Variants in FBXO9 observed in about 807,000 individuals in gnomAD.
FBXO9 encodes F-box protein 9.
FBXO9 carries 43 observed loss-of-function variants against 63.7 expected under a neutral mutation model. The ratio of observed to expected loss-of-function variants is 0.67; its 90% CI spans 0.53 to 0.87. The LOEUF (loss-of-function observed/expected upper bound fraction) is 0.87, where lower values mean the gene tolerates loss of function less well. Among genes scored for constraint, FBXO9 ranks in the 40% least tolerant of loss-of-function variants. The pLI, the probability that FBXO9 is intolerant of heterozygous loss-of-function variation, is 0.00. For missense variants in FBXO9, 442 were observed against 533.2 expected, an observed-to-expected ratio of 0.83 and a Z score of 1.68; for synonymous variants, 156 against 171.7, an observed-to-expected ratio of 0.91 and a Z score of 0.72.
At chr6:53,079,792 T>C (rs528641075) in intron 5 of FBXO9, among the ~76,000 whole-genome samples, 111 of 152,276 alleles carry the variant, frequency 7.3e-4, no homozygotes, top group African/African-American at 2.6e-3. Flanking sequence ...TGATAACATA[T>C]GCTTATTGCC....
chr6:53,076,235 CTT>C (rs2127490383), intron 3 of FBXO9, among the ~76,000 whole-genome samples: 1 of 152,254 alleles, frequency 6.6e-6, no homozygotes, highest in South Asian at 2.1e-4. Flanking sequence ...GTCAAGAACT[CTT>C]TGCCTAGTCC....
intron 11 of FBXO9, chr6:53,094,746 C>T (rs570033927): frequency 2.5e-5 from 11 of 442,874 alleles, no homozygotes; most frequent in Admixed American, 4.9e-5. Context: ...CTGTTGCTGG[C>T]GTCTCCACTT....
chr6:53,075,109 G>A (rs1348076627), intron 3 of FBXO9, among the ~76,000 whole-genome samples: 1 of 151,896 alleles, frequency 6.6e-6, no homozygotes, highest in East Asian at 1.9e-4. Context: ...AGCATTTAGT[G>A]TTGCTACTTT....
At chr6:53,091,312 AC>A (rs1763032982) in intron 7 of FBXO9, 2 of 152,178 alleles carry the variant, frequency 1.3e-5, no homozygotes, top group Admixed American at 1.3e-4. Flanking sequence ...AGTTAGAAAT[AC>A]TTTTAGTTAT....
At position 53,093,894 on chromosome 6, in the gene FBXO9, A is replaced by G. The variant is rs1763124153; in HGVS notation, c.969A>G (p.Ala323=). 1 of 1,545,752 alleles carries G rather than the reference A, an allele frequency of 6.5e-7. No individual in the cohort carries two copies. The highest frequency in any genetic ancestry group is 2.4e-5 in the East Asian group (1 of 41,090). The change falls in exon 11 of 13, where the codon GCA becomes GCG. Residue 323 remains alanine (A), a synonymous_variant. Coordinates refer to ENST00000323557, the MANE Select transcript of FBXO9 (RefSeq NM_033480.3). ...RLRTRNTRTD[A]ILLGHYRLSQ... is the part of the protein sequence containing the mutation. ...GTTTTTTTTTTTTAAGGACTGATGC[A>G]ATTCTACTGGGTCACTATCGCTTGT...
At chr6:53,083,319 T>C (rs1419597823) in intron 7 of FBXO9, among the ~76,000 whole-genome samples, 6 of 152,246 alleles carry the variant, frequency 3.9e-5, no homozygotes, top group African/African-American at 1.4e-4. Context: ...TTCACAATTC[T>C]GTGTGCTAGT....
At chr6:53,091,425 G>A (rs1161154937) in intron 7 of FBXO9, 1 of 151,948 alleles carries the variant, frequency 6.6e-6, no homozygotes. Context: ...CTGGAGTGCA[G>A]TGGCACAGTC....
intron 9 of FBXO9, 78 bp downstream of exon 9, chr6:53,092,902 G>T: frequency 2.1e-6 from 2 of 961,032 alleles, no homozygotes; most frequent in South Asian, 1.9e-5. Context: ...GTTCTTTGTT[G>T]CTTTTGATTG....
chr6:53,081,261 GTGTTTTGTTTTGTCT>G (rs1769302557), intron 6 of FBXO9, among the ~76,000 whole-genome samples, 163 bp downstream of exon 6: 1 of 152,064 alleles, frequency 6.6e-6, no homozygotes, highest in African/African-American at 2.4e-5. Context: ...AAGCTGTTTT[GTGTTTTGTTTTGTCT>G]TGTTTTGTTT....
In FBXO9 at chr6:53,078,845, G is replaced by A. The variant is rs745310374; in HGVS notation, c.354G>A (p.Glu118=). ...RRAMQLVPDI[E]FKITYTRSPD... is the part of the protein sequence containing the mutation. The stretch of plus-strand genomic sequence containing the variant: ...CTATGCAACTTGTACCTGATATAGA[G>A]TTCAAGATTACTTATACCCGGTCTC... The change falls in exon 5 of 13, where the codon GAG becomes GAA. Residue 118 remains glutamate (E), a synonymous_variant. Coordinates refer to ENST00000323557, the MANE Select transcript of FBXO9 (RefSeq NM_033480.3). The A allele has an allele frequency of 5.6e-6, 9 of 1,613,880 alleles. No individual in the cohort carries two copies. In the South Asian group the frequency reaches 8.8e-5, roughly 16 times the overall value.
chr6:53,082,456 A>G (rs374960590), intron 6 of FBXO9, 48 bp from the exon 7 acceptor site: 287 of 1,254,142 alleles, frequency 2.3e-4, no homozygotes, highest in Non-Finnish European at 3.0e-4. Flanking sequence ...AGTTGTGACA[A>G]TAGAATGACA....
intron 11 of FBXO9, 26 bp from the exon 12 acceptor site, chr6:53,095,486 AT>A (rs1763183404): frequency 6.3e-7 from 1 of 1,583,294 alleles, no homozygotes; most frequent in Non-Finnish European, 8.6e-7. Context: ...AGGTTTCATT[AT>A]AACTTATGCA....
Position 53,092,470 on chromosome 6 carries a change from G to T in FBXO9, c.695G>T (p.Gly232Val). Residue 232 changes from glycine to valine, a missense_variant, in exon 8 of 13, where the codon GGC becomes GTC. Physicochemically the swap from Gly to Val is moderately radical, Grantham distance 109. Around this residue, in one of 2 missense-constraint regions of FBXO9, gnomAD observed 262 missense variants for 362.1 expected, o/e 0.72. Coordinates refer to ENST00000323557, the MANE Select transcript of FBXO9 (RefSeq NM_033480.3). ...IWRLACLKVW[G>V]RSCIKLVPYT... ...CGTCTGGCCTGCTTGAAAGTTTGGG[G>T]CAGAAGCTGTATTAAACTTGTTCCG... 2 of 1,613,950 alleles carry T rather than the reference G, an allele frequency of 1.2e-6. No homozygotes were observed. Among genetic ancestry groups the T allele is most frequent in the Non-Finnish European group, 8.5e-7 (1 of 1,179,872 alleles).
intron 5 of FBXO9, among the ~76,000 whole-genome samples, chr6:53,080,053 A>G (rs1237970712): frequency 6.6e-6 from 1 of 152,048 alleles, no homozygotes; most frequent in East Asian, 1.9e-4. Context: ...TATGTGCCAG[A>G]TGCTGTTAAG....
chr6:53,093,418 T>C (rs1260791026), intron 9 of FBXO9, 48 bp from the exon 10 acceptor site: 3 of 1,311,790 alleles, frequency 2.3e-6, no homozygotes, highest in African/African-American at 1.5e-5. Flanking sequence ...ACATATTTTA[T>C]ACTTTGTGTG....
intron 7 of FBXO9, chr6:53,090,996 C>T (rs936809210): frequency 1.2e-4 from 19 of 152,170 alleles, no homozygotes; most frequent in African/African-American, 4.6e-4. Flanking sequence ...GTAGTCCTAG[C>T]TGTTCAAAAG....
chr6:53,090,454 G>C (rs1763010554), intron 7 of FBXO9, among the ~76,000 whole-genome samples: 1 of 152,160 alleles, frequency 6.6e-6, no homozygotes, highest in African/African-American at 2.4e-5. Context: ...ACCAGTTACA[G>C]ATTTCTTTGT....
intron 5 of FBXO9, 69 bp from the exon 6 acceptor site, chr6:53,080,899 G>GA: frequency 1.9e-6 from 3 of 1,548,656 alleles, no homozygotes; most frequent in Non-Finnish European, 2.6e-6. Context: ...AAAATGCTAT[G>GA]AAAAATCAGT....
At chr6:53,076,608 A>G (rs1404828764) in intron 4 of FBXO9, 65 bp downstream of exon 4, 2 of 1,179,628 alleles carry the variant, frequency 1.7e-6, no homozygotes, top group African/African-American at 1.6e-5. Context: ...TATTAACCAT[A>G]TTTTTTTTTC....
Sources: allele counts gnomAD v4.1 joint callset (sites outside exome capture counted in the v4.1 genomes callset), GRCh38; gene constraint gnomAD v4.1.1; regional missense constraint gnomAD v4.1.1; transcripts MANE v1.5; gene names NCBI Gene and HGNC (gene_info 2026-07-23, HGNC 2026-07-21).